TMEM245: variants seen among roughly 807,000 people sequenced by gnomAD.
TMEM245 encodes the protein protein CG-2.
In TMEM245, 69 loss-of-function variants were observed where a neutral mutation model predicts 101.2. That is an observed-to-expected ratio of 0.68 (90% CI 0.56 to 0.83). TMEM245 has a LOEUF of 0.83. Among genes scored for constraint, TMEM245 ranks in the 40% least tolerant of loss-of-function variants. The pLI is 0.00. For synonymous variants in TMEM245, 537 were observed against 449.8 expected (o/e 1.19, Z -2.45); for missense variants, 1,075 against 1,092.8 (o/e 0.98, Z 0.23).
intron 3 of TMEM245, among the ~76,000 whole-genome samples, chr9:109,098,142 C>A (rs1413423121): frequency 6.6e-6 from 1 of 152,082 alleles, no homozygotes; most frequent in Non-Finnish European, 1.5e-5. Context: ...GATCTCTCCA[C>A]AGAGCTAAGC....
chr9:109,048,433 GAAA>G (rs1053984165), intron 14 of TMEM245, among the ~76,000 whole-genome samples: 1 of 132,186 alleles, frequency 7.6e-6, no homozygotes, highest in African/African-American at 2.8e-5. Context: ...AATTATCAGA[GAAA>G]AAAAAAAAAA....
intron 5 of TMEM245, among the ~76,000 whole-genome samples, chr9:109,088,886 C>T (rs556765884): frequency 5.0e-5 from 1 of 19,942 alleles, no homozygotes; most frequent in African/African-American, 1.3e-4. Flanking sequence ...CTCAGTTTAA[C>T]AGGAAGCATG....
At chr9:109,077,978 A>G (rs1245367811) in intron 8 of TMEM245, among the ~76,000 whole-genome samples, 4 of 152,214 alleles carry the variant, frequency 2.6e-5, no homozygotes, top group Middle Eastern at 6.8e-3. Flanking sequence ...TCCCATCTCT[A>G]TTGGTCCTCT....
At chr9:109,033,239 T>G in intron 17 of TMEM245, 68 bp downstream of exon 17, 1 of 1,432,044 alleles carries the variant, frequency 7.0e-7, no homozygotes, top group Non-Finnish European at 9.3e-7. Context: ...ATGAAGCTAC[T>G]TATCAAATAC....
intron 9 of TMEM245, among the ~76,000 whole-genome samples, chr9:109,065,849 C>G (rs1588046856): frequency 6.6e-6 from 1 of 151,994 alleles, no homozygotes; most frequent in Admixed American, 6.6e-5. Flanking sequence ...AATGACACAT[C>G]CTACAAACCT....
rs572159066 is a variant in TMEM245, at chr9:109,022,809, T to C, written c.2595-2304A>G. Among the ~76,000 whole-genome samples the C allele has an allele frequency of 5.9e-4, 90 of 152,314 alleles. 1 individual carries two copies. The highest frequency in any genetic ancestry group is 5.8e-3 in the Admixed American group (89 of 15,300). Reference sequence around the variant, plus strand: ...AGCCCTGGAAAATCTTTGCAAGCAATAGTCAAAAACTGGCTAATACTACAA... The same window carrying C: ...AGCCCTGGAAAATCTTTGCAAGCAACAGTCAAAAACTGGCTAATACTACAA... On this transcript the variant is annotated intron_variant, in intron 17 of 17. Transcript: ENST00000374586.
chr9:109,087,083 G>A, intron 6 of TMEM245, 90 bp downstream of exon 6: 5 of 1,153,218 alleles, frequency 4.3e-6, no homozygotes, highest in Non-Finnish European at 5.9e-6. Flanking sequence ...GTTATCAACA[G>A]TTACAATATA....
intron 16 of TMEM245, among the ~76,000 whole-genome samples, chr9:109,035,539 T>G (rs1466615248): frequency 6.6e-6 from 1 of 152,154 alleles, no homozygotes; most frequent in Non-Finnish European, 1.5e-5. Flanking sequence ...TGCCAGAAAT[T>G]AACTTGCTGA....
chr9:109,115,026 T>C (rs1162861321), intron 1 of TMEM245, among the ~76,000 whole-genome samples: 1 of 152,040 alleles, frequency 6.6e-6, no homozygotes, highest in Non-Finnish European at 1.5e-5. Context: ...GGAACTGAAC[T>C]GGAAAGAAAA....
chr9:109,119,284 A>G, intron 1 of TMEM245, 51 bp downstream of exon 1: 1 of 1,491,144 alleles, frequency 6.7e-7, no homozygotes, highest in Non-Finnish European at 8.9e-7. Context: ...ATTGCACCCC[A>G]GAGCGCCGGG....
At chr9:109,074,387 G>T (rs374739290) in intron 8 of TMEM245, among the ~76,000 whole-genome samples, 3 of 152,144 alleles carry the variant, frequency 2.0e-5, no homozygotes, top group South Asian at 2.1e-4. Flanking sequence ...ACAGAGAGGC[G>T]TAACAGCTCA....
At chr9:109,073,201 G>A (rs1829387061) in intron 9 of TMEM245, 155 bp downstream of exon 9, 2 of 628,542 alleles carry the variant, frequency 3.2e-6, no homozygotes, top group South Asian at 1.9e-5. Context: ...TGTATTACAT[G>A]ACATTCTTCT....
At chr9:109,083,524 T>C (rs1829731287) in intron 7 of TMEM245, among the ~76,000 whole-genome samples, 2 of 152,166 alleles carry the variant, frequency 1.3e-5, no homozygotes, top group Admixed American at 1.3e-4. Flanking sequence ...TTCCGAATGT[T>C]TCAAATGTGA....
chr9:109,119,891 T>C lies in TMEM245; in HGVS notation c.23A>G (p.Lys8Arg), dbSNP rs1345879201. 3 of 1,273,906 alleles carry C rather than the reference T, an allele frequency of 2.4e-6. No individual in the cohort carries two copies. The highest frequency in any genetic ancestry group is 3.0e-6 in the Non-Finnish European group (3 of 1,015,530). The allele number at this position is 1,273,906 out of a possible 1,614,324, so 78.9% of individuals were successfully genotyped here. The change falls in exon 1 of 18, where the codon AAG becomes AGG. Residue 8 changes from lysine (K) to arginine (R), a missense_variant. Coordinates refer to ENST00000374586, the MANE Select transcript of TMEM245 (RefSeq NM_032012.4). MADGGGP[K>R]DAPSLRSSPG... is the part of the protein sequence containing the mutation. ...AGAGCTCCGCAGGCTTGGCGCGTCC[T>C]TAGGGCCGCCGCCGTCGGCCATCGT...
intron 8 of TMEM245, among the ~76,000 whole-genome samples, chr9:109,073,868 T>G (rs1328209964): frequency 6.7e-6 from 1 of 149,414 alleles, no homozygotes; most frequent in Admixed American, 6.7e-5. Flanking sequence ...TTTTTTTTTT[T>G]TTTTTTTAGC....
At chr9:109,053,529 CAA>C (rs1828747319) in intron 12 of TMEM245, among the ~76,000 whole-genome samples, 1 of 152,144 alleles carries the variant, frequency 6.6e-6, no homozygotes, top group South Asian at 2.1e-4. Flanking sequence ...AAGAACATCA[CAA>C]AGAGTTCATT....
intron 9 of TMEM245, among the ~76,000 whole-genome samples, chr9:109,071,786 C>A (rs1371981906): frequency 6.6e-6 from 1 of 152,150 alleles, no homozygotes. Flanking sequence ...GCAGGTCATA[C>A]AATGTGTCAT....
In TMEM245 at chr9:109,019,691, A is replaced by G. The variant is rs1006493335; in HGVS notation, c.*769T>C. 5.2e-5 allele frequency: 8 copies of G among 152,634 alleles called. No individual in the cohort carries two copies. Among genetic ancestry groups the G allele is most frequent in the African/African-American group, 1.9e-4 (8 of 41,470 alleles). The allele number at this position is 152,634 out of a possible 1,614,324, so 9.5% of individuals were successfully genotyped here. On this transcript the variant is annotated 3_prime_UTR_variant, in exon 18 of 18. Transcript: ENST00000374586. ...AGATTTTTCACTTCAACCACCTGGA[A>G]GGAGAAAACCTAATAACAGCATGAA...
At chr9:109,066,482 C>G in intron 9 of TMEM245, among the ~76,000 whole-genome samples, 1 of 103,858 alleles carries the variant, frequency 9.6e-6, no homozygotes, top group East Asian at 2.9e-4. Flanking sequence ...AAAAAAATTT[C>G]TCAGCAAGTA....
Sources: allele counts gnomAD v4.1 joint callset (sites outside exome capture counted in the v4.1 genomes callset), GRCh38; gene constraint gnomAD v4.1.1; transcripts MANE v1.5; gene names NCBI Gene and HGNC (gene_info 2026-07-23, HGNC 2026-07-21).